MACROD2: variants seen among roughly 807,000 people sequenced by gnomAD.
MACROD2 encodes mono-ADP ribosylhydrolase 2, also known as ADP-ribose glycohydrolase MACROD2.
Under a neutral mutation model 70.4 loss-of-function variants are expected in MACROD2, and 36 were observed. The observed-to-expected ratio is 0.51, with a 90% CI of 0.39 to 0.68. The LOEUF (loss-of-function observed/expected upper bound fraction) is 0.68. MACROD2 is among the 30% of genes least tolerant of loss of function. The probability of loss-of-function intolerance (pLI) is 0.00; values close to 1 mark genes in which losing one functional copy is unlikely to be tolerated. For missense variants in MACROD2, 496 were observed against 538.4 expected (o/e 0.92, Z 0.78); for synonymous variants, 172 against 178.8 (o/e 0.96, Z 0.30).
chr20:16,023,307 C>T (rs558587219), intron 15 of MACROD2, among the ~76,000 whole-genome samples: 1 of 151,394 alleles, frequency 6.6e-6, no homozygotes, highest in African/African-American at 2.4e-5. Context: ...AACCCCGTCT[C>T]TACTAAAAAT....
intron 3 of MACROD2, among the ~76,000 whole-genome samples, chr20:14,351,748 C>T (rs1438224084): frequency 6.6e-6 from 1 of 152,100 alleles, no homozygotes; most frequent in Non-Finnish European, 1.5e-5. Context: ...TGTCTTACTG[C>T]TCTAGCTAGG....
chr20:14,430,048 G>A (rs990727245), intron 3 of MACROD2, among the ~76,000 whole-genome samples: 2 of 152,114 alleles, frequency 1.3e-5, no homozygotes, highest in East Asian at 1.9e-4. Flanking sequence ...TACTTTTGGT[G>A]TACCCAAACT....
rs1027755470 is a variant in MACROD2 at position 15,022,989 on chromosome 20, T to C, written c.419-206951T>C. The C allele has an allele frequency of 7.9e-5, 12 of 151,928 alleles. No individual in the cohort carries two copies. In the South Asian group the frequency reaches 2.3e-3, roughly 29 times the overall value. 9.4% of individuals were successfully genotyped at this position (151,928 alleles called of 1,614,324 possible). A position where few individuals can be genotyped will look rare whatever the true frequency, so the allele number is the denominator to read the frequency against. On this transcript the variant is annotated intron_variant, in intron 5 of 17. Transcript: ENST00000684519. Reference sequence around the variant, plus strand: ...TATATATATGCATATATGTATATATTCTCTGTAGTTTTTTCTTTTCCAGAG... The same window carrying C: ...TATATATATGCATATATGTATATATCCTCTGTAGTTTTTTCTTTTCCAGAG...
At chr20:15,115,869 A>G (rs1374098058) in intron 5 of MACROD2, among the ~76,000 whole-genome samples, 1 of 152,192 alleles carries the variant, frequency 6.6e-6, no homozygotes, top group Non-Finnish European at 1.5e-5. Flanking sequence ...TAGGAGGAAA[A>G]GAAAGATCAG....
At chr20:15,817,939 C>T (rs1051798401) in intron 8 of MACROD2, among the ~76,000 whole-genome samples, 6 of 152,176 alleles carry the variant, frequency 3.9e-5, no homozygotes, top group Admixed American at 2.0e-4. Flanking sequence ...TGGACCACTT[C>T]TTGTTCCCCC....
rs537139134 is a variant in MACROD2, at chr20:14,198,499, G to A, written c.271+112771G>A. Among the ~76,000 whole-genome samples the A allele has an allele frequency of 3.9e-5, 6 of 152,194 alleles. No individual in the cohort carries two copies. In the South Asian group the frequency reaches 6.2e-4, roughly 16 times the overall value. ...ATTCGGTTAGAAACTTGATTTTACC[G>A]CTTTCAGAATCTAAAACTCTGGTTA... On this transcript the variant is annotated intron_variant, in intron 3 of 17. Coordinates refer to ENST00000684519, the MANE Select transcript of MACROD2 (RefSeq NM_001351661.2).
intron 5 of MACROD2, among the ~76,000 whole-genome samples, chr20:14,972,373 T>A (rs1290588291): frequency 6.6e-6 from 1 of 152,196 alleles, no homozygotes; most frequent in Non-Finnish European, 1.5e-5. Flanking sequence ...TCCCTTCCTC[T>A]TTCTCACTCT....
At chr20:16,034,460 A>T (rs1228623730) in intron 15 of MACROD2, among the ~76,000 whole-genome samples, 2 of 152,024 alleles carry the variant, frequency 1.3e-5, no homozygotes, top group African/African-American at 4.8e-5. Context: ...AACAATCATT[A>T]GCTTAAAAAG....
At chr20:14,270,620 AC>A (rs2082184459) in intron 3 of MACROD2, among the ~76,000 whole-genome samples, 1 of 151,192 alleles carries the variant, frequency 6.6e-6, no homozygotes, top group Non-Finnish European at 1.5e-5. Context: ...CAAGACAAGT[AC>A]CATGTCTCTC....
At chr20:14,953,021 G>T (rs1161658895) in intron 5 of MACROD2, among the ~76,000 whole-genome samples, 2 of 151,902 alleles carry the variant, frequency 1.3e-5, no homozygotes, top group African/African-American at 4.8e-5. Context: ...CTTTTTACAA[G>T]GAGAAGACAC....
chr20:15,831,896 T>C (rs2064060195), intron 8 of MACROD2, among the ~76,000 whole-genome samples: 1 of 152,184 alleles, frequency 6.6e-6, no homozygotes, highest in Non-Finnish European at 1.5e-5. Flanking sequence ...TCCCAACTCC[T>C]GATTTCATGT....
chr20:14,731,062 C>G (rs1167069611), intron 5 of MACROD2, among the ~76,000 whole-genome samples: 1 of 151,816 alleles, frequency 6.6e-6, no homozygotes, highest in Non-Finnish European at 1.5e-5. Flanking sequence ...AAAATATTGT[C>G]TTCTGTAATT....
At chr20:14,577,566 G>T (rs2123336291) in intron 4 of MACROD2, among the ~76,000 whole-genome samples, 1 of 152,168 alleles carries the variant, frequency 6.6e-6, no homozygotes. Flanking sequence ...GATTGTTTGA[G>T]GCTAGGAGTT....
At chr20:14,827,080 C>A (rs1163390801) in intron 5 of MACROD2, among the ~76,000 whole-genome samples, 2 of 152,000 alleles carry the variant, frequency 1.3e-5, no homozygotes, top group African/African-American at 4.8e-5. Context: ...GAGCAGCAAC[C>A]CTGTTTTATT....
chr20:15,587,518 T>A (rs569686557), intron 8 of MACROD2, among the ~76,000 whole-genome samples: 1 of 152,222 alleles, frequency 6.6e-6, no homozygotes, highest in Non-Finnish European at 1.5e-5. Flanking sequence ...CAGTCCAAAG[T>A]CTCATCTGAC....
Position 15,804,207 on chromosome 20 carries a change from C to G in MACROD2, c.646-58538C>G, listed in dbSNP as rs554391840. ...TAAAGTTGGCATTTGATACATGGAG[C>G]TATTGTGAGCTGTGCTGTGACAACA... On this transcript the variant is annotated intron_variant, in intron 8 of 17. Transcript: ENST00000684519. 7.9e-5 allele frequency among the ~76,000 whole-genome samples: 12 copies of G among 152,272 alleles called. No homozygotes were observed. In the South Asian group the frequency reaches 8.3e-4, roughly 11 times the overall value.
intron 8 of MACROD2, among the ~76,000 whole-genome samples, chr20:15,626,347 A>G (rs1448706235): frequency 1.3e-5 from 2 of 152,240 alleles, no homozygotes; most frequent in Non-Finnish European, 2.9e-5. Flanking sequence ...TTCATTTCTC[A>G]TCAGTTGAGA....
chr20:15,333,610 A>T (rs2078016743), intron 6 of MACROD2, among the ~76,000 whole-genome samples: 1 of 151,546 alleles, frequency 6.6e-6, no homozygotes. Flanking sequence ...CACTTAGATG[A>T]TGCAGGGCTT....
chr20:15,962,999 C>G (rs2066085222), intron 12 of MACROD2, among the ~76,000 whole-genome samples: 1 of 152,190 alleles, frequency 6.6e-6, no homozygotes, highest in Admixed American at 6.6e-5. Flanking sequence ...AGAACATTAT[C>G]TGCTGGAGAG....
Sources: allele counts gnomAD v4.1 joint callset (sites outside exome capture counted in the v4.1 genomes callset), GRCh38; gene constraint gnomAD v4.1.1; transcripts MANE v1.5; gene names NCBI Gene and HGNC (gene_info 2026-07-23, HGNC 2026-07-21).